Variants in ZNF433 observed in about 807,000 individuals in gnomAD.
The protein encoded by ZNF433 is zinc finger protein 433.
A neutral mutation model predicts 10.6 loss-of-function variants in ZNF433; 12 were observed. The observed-to-expected ratio is 1.13, with a 90% confidence interval of 0.72 to 1.83. The LOEUF (loss-of-function observed/expected upper bound fraction) is 1.83. Among genes scored for constraint, ZNF433 ranks in the 40% most tolerant of loss-of-function variants. The pLI, the probability that ZNF433 is intolerant of heterozygous loss-of-function variation, is 0.00. For synonymous variants in ZNF433, 272 were observed against 271.3 expected, an observed-to-expected ratio of 1.00 and a Z score of -0.02; for missense variants, 737 against 798.0, an observed-to-expected ratio of 0.92 and a Z score of 0.92.
At position 12,015,423 on chromosome 19, in the gene ZNF433, C is replaced by A; in HGVS notation, c.1435G>T (p.Gly479Cys). The change falls in exon 4 of 4, where the codon GGT (glycine) becomes TGT (cysteine). Residue 479 changes from glycine (G) to cysteine (C), a missense_variant. Transcript: ENST00000550507. ...HREEKPYECK[G>C]YGKTFSLPSL... ...GGCAAACTGAATGTTTTCCCATAACCCTTACATTCATACGGCTTCTCTTCT... is the reference window on the plus strand; with the variant it reads ...GGCAAACTGAATGTTTTCCCATAACACTTACATTCATACGGCTTCTCTTCT... 1.2e-6 allele frequency: 2 copies of A among 1,613,966 alleles called. No individual in the cohort carries two copies. Among genetic ancestry groups the A allele is most frequent in the Non-Finnish European group, 1.7e-6 (2 of 1,179,946 alleles).
chr19:12,032,721 T>A (rs771089480), intron 1 of ZNF433, among the ~76,000 whole-genome samples: 23 of 152,118 alleles, frequency 1.5e-4, no homozygotes, highest in Admixed American at 6.6e-5. Context: ...TGACCTCAGG[T>A]GATCCACCTG....
chr19:12,026,571 A>G (rs984130662), intron 1 of ZNF433: 48 of 400,230 alleles, frequency 1.2e-4, no homozygotes, highest in Non-Finnish European at 2.1e-4. Flanking sequence ...TGATCACTCT[A>G]TGACACAGTT....
intron 1 of ZNF433, among the ~76,000 whole-genome samples, chr19:12,029,566 A>G (rs1974905389): frequency 6.6e-6 from 1 of 151,128 alleles, no homozygotes; most frequent in Non-Finnish European, 1.5e-5. Context: ...ATGTTGTATA[A>G]AATATGACTA....
chr19:12,023,099 G>A (rs910668259), intron 1 of ZNF433: 5 of 152,346 alleles, frequency 3.3e-5, no homozygotes, highest in African/African-American at 9.6e-5. Flanking sequence ...GGCCTGTCCC[G>A]GGCCCCATTC....
Position 12,015,262 on chromosome 19 carries a change from T to G in ZNF433, c.1596A>C (p.Glu532Asp). The G allele has an allele frequency of 6.2e-7, 1 of 1,613,122 alleles. No individual in the cohort carries two copies. Among genetic ancestry groups the G allele is most frequent in the African/African-American group, 1.3e-5 (1 of 74,606 alleles). Reference protein sequence around the residue: ...GRTHTGEKPYECKQCGKAFRS... With the variant: ...GRTHTGEKPYDCKQCGKAFRS... ...TGAAGGCTTTTCCACATTGCTTGCATTCATAGGGTTTCTCTCCAGTGTGAG... is the reference window on the plus strand; with the variant it reads ...TGAAGGCTTTTCCACATTGCTTGCAGTCATAGGGTTTCTCTCCAGTGTGAG... The change falls in exon 4 of 4, where the codon GAA becomes GAC. Residue 532 changes from glutamate (E) to aspartate (D), a missense_variant. Coordinates refer to ENST00000550507, the MANE Select transcript of ZNF433 (RefSeq NM_001308348.2).
chr19:12,018,497 T>A, intron 1 of ZNF433: 1 of 468,432 alleles, frequency 2.1e-6, no homozygotes, highest in Non-Finnish European at 3.4e-6. Flanking sequence ...AAAGCAACAG[T>A]AGAATAGGAA....
At chr19:12,031,169 G>A (rs1296214583) in intron 1 of ZNF433, among the ~76,000 whole-genome samples, 2 of 152,016 alleles carry the variant, frequency 1.3e-5, no homozygotes, top group Non-Finnish European at 2.9e-5. Flanking sequence ...GGTAGTGCGT[G>A]CCTGTAGTCC....
In ZNF433 at chr19:12,015,385, A is replaced by G. The variant is rs777927267; in HGVS notation, c.1473T>C (p.His491=). Residue 491 remains histidine, a synonymous_variant, in exon 4 of 4, where the codon CAT becomes CAC. Transcript: ENST00000550507. ...CTCCAGTGTGAGTCCTTTCATGTCT[A>G]TGAAATAAACTGGGCAAACTGAATG... The part of the protein sequence containing the change: ...GKTFSLPSLF[H]RHERTHTGGK... 4.3e-6 allele frequency: 7 copies of G among 1,613,832 alleles called. No homozygotes were observed. Among genetic ancestry groups the G allele is most frequent in the Admixed American group, 3.3e-5 (2 of 59,978 alleles).
chr19:12,021,825 G>C (rs1974508654), intron 1 of ZNF433: 1 of 384,596 alleles, frequency 2.6e-6, no homozygotes, highest in Admixed American at 2.6e-5. Flanking sequence ...CACCAGGTCA[G>C]ATTTCTCTCC....
chr19:12,024,618 C>CTGATTGAAA (rs1304379336), intron 1 of ZNF433: 1 of 152,170 alleles, frequency 6.6e-6, no homozygotes, highest in Non-Finnish European at 1.5e-5. Flanking sequence ...GAAGCTGAGG[C>CTGATTGAAA]AGAGGTACAG....
At chr19:12,025,442 A>G (rs1974690048) in intron 1 of ZNF433, 1 of 152,244 alleles carries the variant, frequency 6.6e-6, no homozygotes, top group Non-Finnish European at 1.5e-5. Flanking sequence ...TTGCTACTAC[A>G]ATATCTAATG....
At chr19:12,028,722 A>G (rs1181177104) in intron 1 of ZNF433, among the ~76,000 whole-genome samples, 1 of 152,214 alleles carries the variant, frequency 6.6e-6, no homozygotes, top group African/African-American at 2.4e-5. Flanking sequence ...GTTTAGGGAC[A>G]GGTTCTTGCA....
chr19:12,019,880 A>C (rs1024756056), intron 1 of ZNF433, among the ~76,000 whole-genome samples: 5 of 152,218 alleles, frequency 3.3e-5, no homozygotes, highest in Non-Finnish European at 7.3e-5. Context: ...TATACACTTA[A>C]AACTGCTTAA....
chr19:12,016,549 GCTTTCGCATGATTTTACT>G lies in ZNF433; in HGVS notation c.291_308del (p.Val98_Ser103del). ...CACTGCCTACTTCTCCATACACACT[GCTTTCGCATGATTTTACT>G]CCAGTAGTTGTTTTCTTCAGCATGT... On this transcript the variant is annotated inframe_deletion, in exon 4 of 4. Coordinates refer to ENST00000550507, the MANE Select transcript of ZNF433 (RefSeq NM_001308348.2). 1 of 1,614,094 alleles carries G rather than the reference GCTTTCGCATGATTTTACT, an allele frequency of 6.2e-7. No individual in the cohort carries two copies. The highest frequency in any genetic ancestry group is 8.5e-7 in the Non-Finnish European group (1 of 1,180,034).
intron 1 of ZNF433, among the ~76,000 whole-genome samples, chr19:12,033,386 T>C (rs1432477596): frequency 6.6e-6 from 1 of 152,186 alleles, no homozygotes. Context: ...CATGAGCCAC[T>C]GCACCTGGCC....
At chr19:12,032,662 T>C (rs1230142734) in intron 1 of ZNF433, among the ~76,000 whole-genome samples, 1 of 152,034 alleles carries the variant, frequency 6.6e-6, no homozygotes, top group Admixed American at 6.6e-5. Flanking sequence ...TTTTGTATTC[T>C]TAGTTGAAAC....
rs943575624 is a variant in ZNF433 at position 12,016,723 on chromosome 19, A to G, written c.192-57T>C. 20 of 1,560,048 alleles carry G rather than the reference A, an allele frequency of 1.3e-5. No homozygotes were observed. The African/African-American group carries it at 2.7e-4, about 21-fold the overall frequency. ...TTTGATTATCAGTGATTTTATATTC[A>G]TTCACAAGTATTGCACTTGCATTTT... On this transcript the variant is annotated intron_variant, in intron 3 of 3. Transcript: ENST00000550507.
At chr19:12,029,623 TAC>T (rs1265086174) in intron 1 of ZNF433, among the ~76,000 whole-genome samples, 1 of 144,676 alleles carries the variant, frequency 6.9e-6, no homozygotes, top group Non-Finnish European at 1.5e-5. Flanking sequence ...CTCCAAATCA[TAC>T]AGTGACACCC....
chr19:12,035,563 A>G lies in ZNF433; in HGVS notation c.-24T>C. 1 of 1,567,248 alleles carries G rather than the reference A, an allele frequency of 6.4e-7. No individual in the cohort carries two copies. The highest frequency in any genetic ancestry group is 8.6e-7 in the Non-Finnish European group (1 of 1,156,324). On this transcript the variant is annotated 5_prime_UTR_variant, in exon 1 of 4. Transcript: ENST00000550507. ...ATTTCTTGCCTTTCAGGTGACTCCC[A>G]CGACCAGTGCGGGTCACAGCACAGG...
Sources: allele counts gnomAD v4.1 joint callset (sites outside exome capture counted in the v4.1 genomes callset), GRCh38; gene constraint gnomAD v4.1.1; transcripts MANE v1.5; gene names NCBI Gene and HGNC (gene_info 2026-07-23, HGNC 2026-07-21).